Variants in UBE2D3 observed in about 807,000 individuals in gnomAD.
UBE2D3 encodes ubiquitin-conjugating enzyme E2 D3.
UBE2D3 carries 2 observed loss-of-function variants against 22.8 expected under a neutral mutation model. The ratio of observed to expected loss-of-function variants is 0.09; its 90% CI spans 0.04 to 0.28. The LOEUF (loss-of-function observed/expected upper bound fraction) is 0.28, where lower values mean the gene tolerates loss of function less well. Among genes scored for constraint, UBE2D3 ranks in the 10% least tolerant of loss-of-function variants. The pLI is 1.00. For synonymous variants in UBE2D3, 56 were observed against 60.4 expected (o/e 0.93, Z 0.34); for missense variants, 27 against 182.5 (o/e 0.15, Z 4.91).
chr4:102,796,964 T>G lies in UBE2D3; in HGVS notation c.*451A>C. ...AGCATATCATGTAACCTCAAATCTC[T>G]AACAGTGGAAGGCTTAAACAAGAAT... On this transcript the variant is annotated 3_prime_UTR_variant, in exon 8 of 8. Coordinates refer to ENST00000453744, the MANE Select transcript of UBE2D3 (RefSeq NM_181891.3). The G allele has an allele frequency of 6.4e-6, 1 of 155,058 alleles. No individual in the cohort carries two copies. The highest frequency in any genetic ancestry group is 1.4e-5 in the Non-Finnish European group (1 of 69,508). 9.6% of individuals were successfully genotyped at this position (155,058 alleles called of 1,614,324 possible).
intron 1 of UBE2D3, among the ~76,000 whole-genome samples, chr4:102,854,105 T>C (rs989159555): frequency 6.6e-6 from 1 of 152,226 alleles, no homozygotes; most frequent in Non-Finnish European, 1.5e-5. Context: ...TCATATTATT[T>C]GCCCATCCAT....
intron 1 of UBE2D3, among the ~76,000 whole-genome samples, chr4:102,839,027 T>A (rs981201528): frequency 6.6e-6 from 1 of 152,098 alleles, no homozygotes; most frequent in African/African-American, 2.4e-5. Context: ...AGTAAAATAC[T>A]ATAGCAGTCC....
chr4:102,801,507 A>C lies in UBE2D3; in HGVS notation c.251T>G (p.Ile84Ser). ...YHPNINSNGS[I>S]CLDILRSQWS... is the part of the protein sequence containing the mutation. ...CTGTGATCTTAGAATATCGAGACAA[A>C]TGCTGCCATTACTGTTAATATTTGG... is the stretch of plus-strand genomic sequence containing the variant. Residue 84 changes from isoleucine to serine, a missense_variant, in exon 6 of 8, where the codon ATT becomes AGT. Coordinates refer to ENST00000453744, the MANE Select transcript of UBE2D3 (RefSeq NM_181891.3). The C allele has an allele frequency of 6.2e-7, 1 of 1,609,780 alleles. No individual in the cohort carries two copies. Among genetic ancestry groups the C allele is most frequent in the Admixed American group, 1.7e-5 (1 of 59,836 alleles).
At chr4:102,860,340 T>A (rs1402784527) in intron 1 of UBE2D3, among the ~76,000 whole-genome samples, 1 of 147,262 alleles carries the variant, frequency 6.8e-6, no homozygotes, top group Non-Finnish European at 1.5e-5. Flanking sequence ...GTTTTCTTGG[T>A]GTGTGTGTGT....
rs536910354 is a variant in UBE2D3 at position 102,813,109 on chromosome 4, A to G, written c.25-3254T>C. The stretch of plus-strand genomic sequence containing the variant: ...AACACAAAGTTTTAACTGCTCTAAT[A>G]GTATCTTTTTTAAAAAATGAAGTTT... On this transcript the variant is annotated intron_variant, in intron 2 of 7. Coordinates refer to ENST00000453744, the MANE Select transcript of UBE2D3 (RefSeq NM_181891.3). 1.1e-4 allele frequency: 16 copies of G among 152,334 alleles called. No homozygotes were observed. In the South Asian group the frequency reaches 3.3e-3, roughly 32 times the overall value. 9.4% of individuals were successfully genotyped at this position (152,334 alleles called of 1,614,324 possible).
At chr4:102,801,020 A>G (rs1726076030) in intron 6 of UBE2D3, among the ~76,000 whole-genome samples, 2 of 151,988 alleles carry the variant, frequency 1.3e-5, no homozygotes, top group Admixed American at 1.3e-4. Flanking sequence ...ATGACTGAAG[A>G]TTTGTCTAAA....
At chr4:102,851,609 C>T (rs1444241193) in intron 1 of UBE2D3, among the ~76,000 whole-genome samples, 1 of 152,078 alleles carries the variant, frequency 6.6e-6, no homozygotes, top group Non-Finnish European at 1.5e-5. Flanking sequence ...TTCCCAATGT[C>T]CTTTCTCCTC....
rs114949086 is a variant in UBE2D3, at chr4:102,798,355, C to G, written c.399-895G>C. On this transcript the variant is annotated intron_variant, in intron 7 of 7. Coordinates refer to ENST00000453744, the MANE Select transcript of UBE2D3 (RefSeq NM_181891.3). ...AACTAGCTTTATTTCAAACCAAGAACCAAATATGGTCCAACAACTTTCCTA... is the reference window on the plus strand; with the variant it reads ...AACTAGCTTTATTTCAAACCAAGAAGCAAATATGGTCCAACAACTTTCCTA... Among the ~76,000 whole-genome samples the G allele has an allele frequency of 7.0e-3, 1,003 of 143,050 alleles. 5 individuals carry two copies. The highest frequency in any genetic ancestry group is 0.011 in the Non-Finnish European group (742 of 66,278). 93.8% of individuals were successfully genotyped at this position (143,050 alleles called of 152,430 possible).
In UBE2D3 at chr4:102,827,454, C is replaced by T; in HGVS notation, c.-156G>A. ...AGGGGCCGGGGCCTCCCTCAAGCTGCGGCCTCGGCCTCCTCCCCGCGCGGC... is the reference window on the plus strand; with the variant it reads ...AGGGGCCGGGGCCTCCCTCAAGCTGTGGCCTCGGCCTCCTCCCCGCGCGGC... On this transcript the variant is annotated 5_prime_UTR_variant, in exon 1 of 8. Transcript: ENST00000453744. 1.0e-6 allele frequency: 1 copy of T among 986,152 alleles called. No homozygotes were observed. Among genetic ancestry groups the T allele is most frequent in the Non-Finnish European group, 1.2e-6 (1 of 830,142 alleles). The allele number at this position is 986,152 out of a possible 1,614,324, so 61.1% of individuals were successfully genotyped here. A position where few individuals can be genotyped will look rare whatever the true frequency, so the allele number is the denominator to read the frequency against.
At chr4:102,811,918 T>G (rs1728108376) in intron 2 of UBE2D3, 1 of 251,078 alleles carries the variant, frequency 4.0e-6, no homozygotes, top group South Asian at 3.5e-5. Flanking sequence ...AATGCATCCG[T>G]GTATAACTAA....
At chr4:102,816,538 C>A (rs990161194) in intron 2 of UBE2D3, among the ~76,000 whole-genome samples, 3 of 152,140 alleles carry the variant, frequency 2.0e-5, no homozygotes, top group Admixed American at 1.3e-4. Context: ...TCTAATAAAT[C>A]CCTTATTTAA....
chr4:102,862,129 T>G (rs1732927776), intron 1 of UBE2D3, among the ~76,000 whole-genome samples: 1 of 152,052 alleles, frequency 6.6e-6, no homozygotes, highest in Non-Finnish European at 1.5e-5. Context: ...TATTGATTTA[T>G]AGATCCCAGT....
At chr4:102,860,404 GGTGTGTGTGTGTGTGTGTATGT>G (rs1310130710) in intron 1 of UBE2D3, among the ~76,000 whole-genome samples, 2 of 122,842 alleles carry the variant, frequency 1.6e-5, no homozygotes, top group East Asian at 4.7e-4. Flanking sequence ...ATGTTTTCCT[GGTGTGTGTGTGTGTGTGTATGT>G]GTGTGTGTGT....
At chr4:102,858,961 T>A (rs552744728) in intron 1 of UBE2D3, among the ~76,000 whole-genome samples, 1 of 152,160 alleles carries the variant, frequency 6.6e-6, no homozygotes, top group African/African-American at 2.4e-5. Context: ...TACAGTATTC[T>A]GAATGTAACT....
At chr4:102,826,786 T>C (rs1327841548) in intron 1 of UBE2D3, 150 bp from the exon 2 acceptor site, 14 of 1,265,334 alleles carry the variant, frequency 1.1e-5, no homozygotes, top group Non-Finnish European at 1.3e-5. Context: ...CGGCCCGAAG[T>C]GGGGGCGAGG....
chr4:102,864,077 A>G (rs1733032457), intron 1 of UBE2D3, among the ~76,000 whole-genome samples: 1 of 152,190 alleles, frequency 6.6e-6, no homozygotes, highest in Non-Finnish European at 1.5e-5. Flanking sequence ...CTATGCATGT[A>G]TATGTGCCAG....
At chr4:102,805,348 CTG>C (rs1303482524) in intron 4 of UBE2D3, among the ~76,000 whole-genome samples, 3 of 152,184 alleles carry the variant, frequency 2.0e-5, no homozygotes, top group Non-Finnish European at 4.4e-5. Flanking sequence ...ATAAGGAACA[CTG>C]TGATCAGCAA....
rs150790025 is a variant in UBE2D3, at chr4:102,842,848, G to A, written c.-128-16212C>T. Among the ~76,000 whole-genome samples, 70 of 120,934 alleles carry A rather than the reference G, an allele frequency of 5.8e-4. 1 individual carries two copies. In the East Asian group the frequency reaches 7.3e-3, roughly 13 times the overall value. The allele number at this position is 120,934 out of a possible 152,430, so 79.3% of individuals were successfully genotyped here. A position where few individuals can be genotyped will look rare whatever the true frequency, so the allele number is the denominator to read the frequency against. ...GTTTTGGCCAGGCGTGGTGGCTCAC[G>A]CCTGTAATCCCAGCACTTCGGGAGG... is the stretch of plus-strand genomic sequence containing the variant. On this transcript the variant is annotated intron_variant, in intron 1 of 7. Coordinates refer to the UBE2D3 transcript ENST00000338145.
upstream of UBE2D3, among the ~76,000 whole-genome samples, chr4:102,830,829 A>G (rs1488677701): frequency 6.6e-6 from 1 of 152,190 alleles, no homozygotes; most frequent in East Asian, 1.9e-4. Flanking sequence ...TTGTGCCACT[A>G]TACTCAAGCC....
Sources: gnomAD v4.1 joint callset for allele counts (sites outside exome capture counted in the v4.1 genomes callset) on GRCh38, gnomAD v4.1.1 for gene constraint, MANE v1.5 for transcripts, NCBI Gene and HGNC (gene_info 2026-07-23, HGNC 2026-07-21) for gene names.